The following DLG2 variants were observed in gnomAD, a reference collection of about 807,000 sequenced individuals.
The protein encoded by DLG2 is disks large homolog 2.
A neutral mutation model predicts 132.5 loss-of-function variants in DLG2; 45 were observed. The observed-to-expected ratio is 0.34, with a 90% CI of 0.27 to 0.44. The LOEUF (loss-of-function observed/expected upper bound fraction) is 0.44, where lower values mean the gene tolerates loss of function less well. Ranked by LOEUF, DLG2 falls within the 20% of genes least tolerant of loss-of-function variation. The pLI is 1.00. For synonymous variants in DLG2, 424 were observed against 419.6 expected, an observed-to-expected ratio of 1.01 and a Z score of -0.13; for missense variants, 1,045 against 1,196.9, an observed-to-expected ratio of 0.87 and a Z score of 1.87.
intron 18 of DLG2, among the ~76,000 whole-genome samples, chr11:83,673,563 A>G (rs1439734623): frequency 1.3e-5 from 2 of 152,206 alleles, no homozygotes; most frequent in Admixed American, 6.5e-5. Context: ...GCCCACTAGC[A>G]CTTTTTTGTT....
chr11:84,682,571 T>C (rs775275182), intron 6 of DLG2, among the ~76,000 whole-genome samples: 1 of 152,170 alleles, frequency 6.6e-6, no homozygotes, highest in Admixed American at 6.5e-5. Flanking sequence ...GGTTGCTGAA[T>C]AGAGCTGAAG....
chr11:85,121,664 A>C (rs1446942159), intron 5 of DLG2, among the ~76,000 whole-genome samples: 15 of 152,078 alleles, frequency 9.9e-5, no homozygotes, highest in Admixed American at 9.8e-4. Flanking sequence ...AAGGAATTTT[A>C]CCTCTATTAG....
At chr11:84,244,534 C>T (rs528575736) in intron 8 of DLG2, among the ~76,000 whole-genome samples, 12 of 152,240 alleles carry the variant, frequency 7.9e-5, no homozygotes, top group African/African-American at 2.9e-4. Context: ...CTGATTGTGG[C>T]AGTTGAGAAA....
intron 6 of DLG2, among the ~76,000 whole-genome samples, chr11:85,076,346 C>A (rs1318648256): frequency 1.3e-5 from 2 of 151,940 alleles, no homozygotes; most frequent in Non-Finnish European, 2.9e-5. Flanking sequence ...TTACTGATAC[C>A]TAAAAAATGG....
intron 19 of DLG2, among the ~76,000 whole-genome samples, chr11:83,601,413 C>T (rs555116956): frequency 7.3e-5 from 11 of 151,396 alleles, no homozygotes; most frequent in South Asian, 2.1e-4. Context: ...ATGGAGCCAA[C>T]GATTCTCTTT....
intron 3 of DLG2, among the ~76,000 whole-genome samples, chr11:85,480,872 G>A (rs1279257195): frequency 3.3e-5 from 5 of 152,070 alleles, no homozygotes; most frequent in African/African-American, 1.2e-4. Context: ...CTGCACACAT[G>A]CAAAAAAAAT....
chr11:83,848,670 C>T (rs2059113051), intron 16 of DLG2, among the ~76,000 whole-genome samples: 2 of 152,178 alleles, frequency 1.3e-5, no homozygotes, highest in South Asian at 4.1e-4. Context: ...TGCCAGGGAT[C>T]CCTAACTAGG....
chr11:84,326,160 A>G (rs537899158), intron 7 of DLG2, among the ~76,000 whole-genome samples: 1 of 152,038 alleles, frequency 6.6e-6, no homozygotes, highest in South Asian at 2.1e-4. Context: ...CTAAAGCTTT[A>G]CCAATTTTGT....
intron 18 of DLG2, among the ~76,000 whole-genome samples, chr11:83,772,880 A>G (rs114092862): frequency 0.016 from 2,362 of 152,304 alleles, 65 homozygotes; most frequent in African/African-American, 0.053. Flanking sequence ...GGCTACTAAT[A>G]GGGGCAAGAA....
intron 6 of DLG2, among the ~76,000 whole-genome samples, chr11:85,111,116 C>T (rs1018675699): frequency 4.6e-5 from 7 of 152,106 alleles, no homozygotes; most frequent in Non-Finnish European, 1.0e-4. Context: ...ACTATTCTTA[C>T]TCCCTTTGCA....
intron 6 of DLG2, among the ~76,000 whole-genome samples, chr11:84,655,825 C>G (rs544723683): frequency 6.7e-6 from 1 of 150,118 alleles, no homozygotes; most frequent in African/African-American, 2.5e-5. Flanking sequence ...AAATGTTACT[C>G]TTAATTTCTA....
intron 2 of DLG2, among the ~76,000 whole-genome samples, chr11:85,612,431 T>C (rs530693517): frequency 6.6e-6 from 1 of 152,354 alleles, no homozygotes; most frequent in Admixed American, 6.5e-5. Flanking sequence ...GAAACTCTTG[T>C]AGAAGCAGAG....
intron 16 of DLG2, among the ~76,000 whole-genome samples, chr11:83,837,384 G>A (rs1296257275): frequency 6.6e-6 from 1 of 152,146 alleles, no homozygotes; most frequent in African/African-American, 2.4e-5. Flanking sequence ...GCCAGGTGGG[G>A]ATGGAAATTC....
rs2097069319 is a variant in DLG2 at position 83,585,530 on chromosome 11, AT to A, written c.1941-43673del. On this transcript the variant is annotated intron_variant, in intron 19 of 27. Transcript: ENST00000376104. ...TACAAAATAATAGCTTCTATTTATT[AT>A]TGTTCATTTCATTTAATAATCATCT... Among the ~76,000 whole-genome samples, 3 of 152,224 alleles carry A rather than the reference AT, an allele frequency of 2.0e-5. No homozygotes were observed. In the South Asian group the frequency reaches 6.2e-4, roughly 32 times the overall value.
At chr11:84,706,419 A>G (rs2059788754) in intron 6 of DLG2, among the ~76,000 whole-genome samples, 1 of 151,788 alleles carries the variant, frequency 6.6e-6, no homozygotes, top group Admixed American at 6.6e-5. Flanking sequence ...CTTTAGACAT[A>G]CTGTATAAAT....
chr11:84,868,784 C>T (rs1424082901), intron 6 of DLG2, among the ~76,000 whole-genome samples: 1 of 152,160 alleles, frequency 6.6e-6, no homozygotes, highest in Non-Finnish European at 1.5e-5. Flanking sequence ...CTACAAAGGT[C>T]ATTTACTAGG....
At chr11:84,944,476 C>A (rs974253507) in intron 6 of DLG2, among the ~76,000 whole-genome samples, 6 of 151,932 alleles carry the variant, frequency 3.9e-5, no homozygotes, top group African/African-American at 1.5e-4. Context: ...TCTTCAAGCT[C>A]ACTAATTTTT....
At chr11:84,230,407 T>C (rs2097074940) in intron 8 of DLG2, among the ~76,000 whole-genome samples, 1 of 152,214 alleles carries the variant, frequency 6.6e-6, no homozygotes, top group Non-Finnish European at 1.5e-5. Context: ...TCTCAGCATC[T>C]AGCTTGCCGC....
At chr11:84,662,301 C>G (rs887561995) in intron 6 of DLG2, among the ~76,000 whole-genome samples, 4 of 151,436 alleles carry the variant, frequency 2.6e-5, no homozygotes, top group Non-Finnish European at 5.9e-5. Flanking sequence ...CTCAGCCTCC[C>G]AAGTAGCTGG....
Sources: gnomAD v4.1 joint callset for allele counts (sites outside exome capture counted in the v4.1 genomes callset) on GRCh38, gnomAD v4.1.1 for gene constraint, MANE v1.5 for transcripts, NCBI Gene and HGNC (gene_info 2026-07-23, HGNC 2026-07-21) for gene names.